Variants in KCNN2 observed in about 807,000 individuals in gnomAD.
The protein encoded by KCNN2 is potassium calcium-activated channel subfamily N member 2.
Under a neutral mutation model 55.5 loss-of-function variants are expected in KCNN2, and 24 were observed. The observed-to-expected ratio is 0.43, with a 90% CI of 0.31 to 0.61. KCNN2 has a LOEUF of 0.61. Ranked by LOEUF, KCNN2 falls within the 20% of genes least tolerant of loss-of-function variation. KCNN2 has a pLI of 0.08. For missense variants in KCNN2, 754 were observed against 853.6 expected, an observed-to-expected ratio of 0.88 and a Z score of 1.45; for synonymous variants, 431 against 336.1, an observed-to-expected ratio of 1.28 and a Z score of -3.09.
intron 1 of KCNN2, among the ~76,000 whole-genome samples, chr5:114,161,515 G>A (rs540414650): frequency 1.1e-4 from 17 of 151,872 alleles, no homozygotes; most frequent in South Asian, 4.2e-4. Flanking sequence ...TCTTTGTGGC[G>A]TTCTCTGTAT....
intron 3 of KCNN2, among the ~76,000 whole-genome samples, chr5:114,431,130 G>A (rs57975370): frequency 0.022 from 3,363 of 151,994 alleles, 96 homozygotes; most frequent in African/African-American, 0.073. Flanking sequence ...CCCCCATCCC[G>A]GCTTCTGTCT....
chr5:114,102,616 A>G (rs1751395319), intron 1 of KCNN2, among the ~76,000 whole-genome samples: 1 of 152,256 alleles, frequency 6.6e-6, no homozygotes, highest in South Asian at 2.1e-4. Flanking sequence ...TTTTTGTATA[A>G]GGTGTAAGGG....
intron 5 of KCNN2, among the ~76,000 whole-genome samples, chr5:114,485,686 A>G (rs1021757432): frequency 3.9e-5 from 6 of 152,204 alleles, no homozygotes; most frequent in Non-Finnish European, 8.8e-5. Flanking sequence ...CTCTCCATGC[A>G]CAGAGTCTAA....
chr5:114,280,619 G>C (rs928245497), intron 2 of KCNN2, among the ~76,000 whole-genome samples: 1 of 152,066 alleles, frequency 6.6e-6, no homozygotes, highest in Non-Finnish European at 1.5e-5. Flanking sequence ...GTAGATGTGT[G>C]GTATCATTTC....
At chr5:114,413,388 G>T (rs369196534) in intron 3 of KCNN2, among the ~76,000 whole-genome samples, 1 of 152,058 alleles carries the variant, frequency 6.6e-6, no homozygotes, top group Admixed American at 6.6e-5. Context: ...GCGTTCAAGC[G>T]ATTCTCCTGC....
At chr5:114,306,708 T>C (rs1369484850) in intron 2 of KCNN2, among the ~76,000 whole-genome samples, 6 of 148,068 alleles carry the variant, frequency 4.1e-5, no homozygotes, top group South Asian at 2.2e-4. Flanking sequence ...TTCTTTTTTT[T>C]TTTTTTTTTT....
intron 6 of KCNN2, among the ~76,000 whole-genome samples, chr5:114,491,547 AAGC>A (rs1240660929): frequency 6.6e-6 from 1 of 151,000 alleles, no homozygotes; most frequent in Non-Finnish European, 1.5e-5. Context: ...AAAAAAAAAA[AAGC>A]AGGTGTTAGG....
intron 6 of KCNN2, among the ~76,000 whole-genome samples, chr5:114,491,514 T>C (rs1405581265): frequency 6.7e-6 from 1 of 149,900 alleles, no homozygotes; most frequent in East Asian, 1.9e-4. Flanking sequence ...TTTTTCTTTT[T>C]TTTTTTTTTT....
intron 1 of KCNN2, among the ~76,000 whole-genome samples, chr5:114,117,219 C>G (rs141440202): frequency 3.0e-4 from 45 of 152,254 alleles, no homozygotes; most frequent in African/African-American, 6.5e-4. Context: ...AGTTTTCTAA[C>G]CTGGCCACTT....
chr5:114,065,426 T>G (rs2721317), intron 1 of KCNN2, among the ~76,000 whole-genome samples: 21,052 of 152,120 alleles, frequency 0.14, 1,554 homozygotes, highest in Middle Eastern at 0.17. Flanking sequence ...AGAAAAGAAG[T>G]TGAGGAATTC....
intron 1 of KCNN2, among the ~76,000 whole-genome samples, chr5:114,216,759 G>A (rs1304870214): frequency 6.6e-6 from 1 of 152,074 alleles, no homozygotes; most frequent in Non-Finnish European, 1.5e-5. Flanking sequence ...TGCACTGGAT[G>A]TTCTAGCTAA....
chr5:114,464,303 C>G lies in KCNN2; in HGVS notation c.1779+1113C>G, dbSNP rs568584729. Among the ~76,000 whole-genome samples, 147 of 152,302 alleles carry G rather than the reference C, an allele frequency of 9.7e-4. 2 individuals are homozygous for G. Among genetic ancestry groups the G allele is most frequent in the African/African-American group, 3.5e-3 (144 of 41,568 alleles). On this transcript the variant is annotated intron_variant, in intron 4 of 7. Coordinates refer to ENST00000673685, the MANE Select transcript of KCNN2 (RefSeq NM_021614.4). Reference sequence around the variant, plus strand: ...ACCTAGGCTTGTCTGCATTCTTTATCTACTTTTTAAAGTTTGCTTACAGCA... The same window carrying G: ...ACCTAGGCTTGTCTGCATTCTTTATGTACTTTTTAAAGTTTGCTTACAGCA...
chr5:114,193,697 C>G (rs1427263762), intron 1 of KCNN2, among the ~76,000 whole-genome samples: 1 of 152,080 alleles, frequency 6.6e-6, no homozygotes, highest in Non-Finnish European at 1.5e-5. Flanking sequence ...CACATCAGTT[C>G]CTAAATGTTG....
In KCNN2 at chr5:114,487,457, G is replaced by T. The variant is rs1346140380; in HGVS notation, c.2018+280G>T. Reference sequence around the variant, plus strand: ...CTGCTGAAATTGTATTTCTTAATTTGACCTATTTATTCAGATAGTTTGCTC... The same window carrying T: ...CTGCTGAAATTGTATTTCTTAATTTTACCTATTTATTCAGATAGTTTGCTC... On this transcript the variant is annotated intron_variant, in intron 6 of 7. Coordinates refer to ENST00000673685, the MANE Select transcript of KCNN2 (RefSeq NM_021614.4). Among the ~76,000 whole-genome samples, 8 of 151,898 alleles carry T rather than the reference G, an allele frequency of 5.3e-5. No homozygotes were observed. The East Asian group carries it at 1.4e-3, about 26-fold the overall frequency.
intron 1 of KCNN2, among the ~76,000 whole-genome samples, chr5:114,130,060 T>C (rs948848129): frequency 6.6e-6 from 1 of 152,242 alleles, no homozygotes; most frequent in Non-Finnish European, 1.5e-5. Context: ...CCTCATCCTA[T>C]GGAACATCAC....
intron 1 of KCNN2, among the ~76,000 whole-genome samples, chr5:114,167,237 TC>T (rs1339678299): frequency 6.6e-6 from 1 of 152,084 alleles, no homozygotes; most frequent in Non-Finnish European, 1.5e-5. Context: ...AAATAAGCCA[TC>T]CCTGGTGTGC....
intron 2 of KCNN2, among the ~76,000 whole-genome samples, chr5:114,304,888 T>C (rs1365126168): frequency 6.6e-6 from 1 of 152,114 alleles, no homozygotes; most frequent in Non-Finnish European, 1.5e-5. Context: ...GTGTTAAGGG[T>C]TTTGAGTTGC....
chr5:114,469,828 A>G (rs1580886003), intron 4 of KCNN2, among the ~76,000 whole-genome samples: 1 of 152,204 alleles, frequency 6.6e-6, no homozygotes, highest in South Asian at 2.1e-4. Context: ...ATTAAAAAAT[A>G]AAGGTTACTT....
At chr5:114,083,664 A>G (rs114126791) in intron 1 of KCNN2, among the ~76,000 whole-genome samples, 273 of 152,134 alleles carry the variant, frequency 1.8e-3, no homozygotes, top group African/African-American at 6.4e-3. Context: ...GTTTGTTACA[A>G]TTTATGAACC....
Sources: allele counts gnomAD v4.1 joint callset (sites outside exome capture counted in the v4.1 genomes callset), GRCh38; gene constraint gnomAD v4.1.1; transcripts MANE v1.5; gene names NCBI Gene and HGNC (gene_info 2026-07-23, HGNC 2026-07-21).